Variants in PLEKHM3 observed in about 807,000 individuals in gnomAD.
PLEKHM3 encodes the protein pleckstrin homology domain-containing family M member 3.
In PLEKHM3, 45 loss-of-function variants were observed where a neutral mutation model predicts 81.8. That is an observed-to-expected ratio of 0.55 (90% confidence interval 0.43 to 0.71). PLEKHM3 has a LOEUF of 0.71. Ranked by LOEUF, PLEKHM3 falls within the 30% of genes least tolerant of loss-of-function variation. PLEKHM3 has a pLI of 0.00. For missense variants in PLEKHM3, 788 were observed against 924.3 expected, an observed-to-expected ratio of 0.85 and a Z score of 1.91; for synonymous variants, 352 against 356.4, an observed-to-expected ratio of 0.99 and a Z score of 0.14.
intron 6 of PLEKHM3, among the ~76,000 whole-genome samples, chr2:207,908,240 A>G (rs1688684174): frequency 6.6e-6 from 1 of 152,132 alleles, no homozygotes; most frequent in Non-Finnish European, 1.5e-5. Flanking sequence ...TGGTAACTCT[A>G]TGTTTAACTT....
At chr2:208,005,999 G>C (rs952836172) in intron 1 of PLEKHM3, among the ~76,000 whole-genome samples, 1 of 152,024 alleles carries the variant, frequency 6.6e-6, no homozygotes, top group African/African-American at 2.4e-5. Flanking sequence ...AGTCGGTCAG[G>C]CTCTCATAGC....
chr2:207,914,225 G>T (rs563571129), intron 5 of PLEKHM3, among the ~76,000 whole-genome samples: 60 of 152,024 alleles, frequency 3.9e-4, no homozygotes, highest in Middle Eastern at 3.4e-3. Flanking sequence ...GCCGGGTGCC[G>T]TGGCTCACGC....
intron 1 of PLEKHM3, among the ~76,000 whole-genome samples, chr2:208,016,755 C>T (rs191261669): frequency 8.7e-4 from 131 of 151,122 alleles, no homozygotes; most frequent in African/African-American, 2.8e-3. Flanking sequence ...AACCTTTCAG[C>T]GTGAGGCAAC....
chr2:207,908,130 T>G (rs1022509732), intron 6 of PLEKHM3, among the ~76,000 whole-genome samples: 1 of 152,220 alleles, frequency 6.6e-6, no homozygotes, highest in East Asian at 1.9e-4. Flanking sequence ...TTTGCTATTA[T>G]GAATAATGCT....
chr2:208,001,909 GACA>G lies in PLEKHM3; in HGVS notation c.-273_-271del. On this transcript the variant is annotated 5_prime_UTR_variant, in exon 2 of 8. Transcript: ENST00000427836. Reference sequence around the variant, plus strand: ...TATTCTTCAGTGAGACCTCTGTGAAGACAACAGCAAGTACTTGTCAAAGCAATG... The same window carrying G: ...TATTCTTCAGTGAGACCTCTGTGAAGACAGCAAGTACTTGTCAAAGCAATG... The G allele has an allele frequency of 6.8e-6, 3 of 444,034 alleles. No homozygotes were observed. Among genetic ancestry groups the G allele is most frequent in the Non-Finnish European group, 8.0e-6 (2 of 248,996 alleles). The allele number at this position is 444,034 out of a possible 1,614,324, so 27.5% of individuals were successfully genotyped here.
intron 2 of PLEKHM3, among the ~76,000 whole-genome samples, chr2:207,979,477 T>G (rs1691447177): frequency 6.7e-6 from 1 of 149,850 alleles, no homozygotes; most frequent in African/African-American, 2.5e-5. Context: ...GAAGTTGCAG[T>G]GAGCTGAGAT....
intron 2 of PLEKHM3, among the ~76,000 whole-genome samples, chr2:207,979,988 T>C (rs1456585740): frequency 6.6e-6 from 1 of 152,226 alleles, no homozygotes; most frequent in African/African-American, 2.4e-5. Flanking sequence ...CTTCTGATAA[T>C]GCAATAAGGG....
intron 6 of PLEKHM3, among the ~76,000 whole-genome samples, chr2:207,883,600 G>A (rs1318289049): frequency 6.6e-6 from 1 of 152,186 alleles, no homozygotes; most frequent in African/African-American, 2.4e-5. Flanking sequence ...GTAAGGTGTA[G>A]CGTGCAAGTA....
At chr2:207,956,020 A>G (rs753085787) in intron 3 of PLEKHM3, among the ~76,000 whole-genome samples, 6 of 152,136 alleles carry the variant, frequency 3.9e-5, no homozygotes, top group Non-Finnish European at 8.8e-5. Flanking sequence ...AAGAGAAGAG[A>G]TTTTGGAAAA....
chr2:207,886,928 C>A (rs887882963), intron 6 of PLEKHM3, among the ~76,000 whole-genome samples: 1 of 152,136 alleles, frequency 6.6e-6, no homozygotes, highest in African/African-American at 2.4e-5. Context: ...CAGCTCATGA[C>A]CCTGAGTAAT....
chr2:207,835,019 C>A (rs994158177), intron 7 of PLEKHM3, among the ~76,000 whole-genome samples: 4 of 151,538 alleles, frequency 2.6e-5, no homozygotes, highest in African/African-American at 9.7e-5. Context: ...CAGCTCACTG[C>A]AACCTCTGCC....
chr2:208,008,333 T>C (rs182458050), intron 1 of PLEKHM3, among the ~76,000 whole-genome samples: 33 of 151,512 alleles, frequency 2.2e-4, no homozygotes, highest in Admixed American at 3.9e-4. Context: ...GTGACAGATA[T>C]GGAAAAGAAA....
chr2:208,020,702 G>A (rs1488228321), intron 1 of PLEKHM3, among the ~76,000 whole-genome samples: 1 of 151,986 alleles, frequency 6.6e-6, no homozygotes, highest in Admixed American at 6.5e-5. Flanking sequence ...AAAGGAGAAC[G>A]CAAGAAGAAA....
Position 207,836,318 on chromosome 2 carries a change from T to TA in PLEKHM3, c.2109-7823dup, listed in dbSNP as rs34489704. Among the ~76,000 whole-genome samples, 229 of 131,824 alleles carry TA rather than the reference T, an allele frequency of 1.7e-3. 1 individual carries two copies. Among genetic ancestry groups the TA allele is most frequent in the Non-Finnish European group, 2.3e-3 (144 of 61,506 alleles). 86.5% of individuals were successfully genotyped at this position (131,824 alleles called of 152,430 possible). ...CAGCCTGGGCGACAGAGAGAGAGTC[T>TA]AAAAAAAAAAAAAAAAAAGCACCAT... On this transcript the variant is annotated intron_variant, in intron 7 of 7. Transcript: ENST00000427836.
chr2:207,978,100 A>G (rs1691382126), intron 2 of PLEKHM3, among the ~76,000 whole-genome samples: 1 of 152,026 alleles, frequency 6.6e-6, no homozygotes, highest in Non-Finnish European at 1.5e-5. Flanking sequence ...GTAAAATAAA[A>G]ATAAAAACTA....
chr2:207,829,981 A>G (rs1013601052), intron 7 of PLEKHM3, among the ~76,000 whole-genome samples: 6 of 151,910 alleles, frequency 3.9e-5, no homozygotes, highest in African/African-American at 1.5e-4. Context: ...TACCTTGGAG[A>G]GGAGGCAGTG....
chr2:207,981,490 C>T (rs777912312), intron 2 of PLEKHM3, among the ~76,000 whole-genome samples: 11 of 152,152 alleles, frequency 7.2e-5, no homozygotes, highest in Admixed American at 3.9e-4. Flanking sequence ...GGAGTACAGG[C>T]GCACATCATG....
intron 3 of PLEKHM3, among the ~76,000 whole-genome samples, chr2:207,973,781 CTGG>C (rs1691207099): frequency 6.6e-6 from 1 of 151,796 alleles, no homozygotes; most frequent in African/African-American, 2.4e-5. Context: ...AGTTCAAGTG[CTGG>C]TATGAAAAAC....
chr2:207,828,603 G>A, intron 7 of PLEKHM3, 107 bp from the exon 8 acceptor site: 1 of 1,065,428 alleles, frequency 9.4e-7, no homozygotes, highest in South Asian at 1.6e-5. Context: ...TACTGTTCTG[G>A]ACAACCCTGC....
Sources: allele counts gnomAD v4.1 joint callset (sites outside exome capture counted in the v4.1 genomes callset), GRCh38; gene constraint gnomAD v4.1.1; transcripts MANE v1.5; gene names NCBI Gene and HGNC (gene_info 2026-07-23, HGNC 2026-07-21).